The following ENOX2 variants were observed in gnomAD, a reference collection of about 807,000 sequenced individuals.
ENOX2 encodes the protein APK1 antigen.
Under a neutral mutation model 45.0 loss-of-function variants are expected in ENOX2, and 36 were observed. The observed-to-expected ratio is 0.80, with a 90% CI of 0.61 to 1.06. The LOEUF (loss-of-function observed/expected upper bound fraction) is 1.06, where lower values mean the gene tolerates loss of function less well. ENOX2 is among the 50% of genes least tolerant of loss of function. The pLI is 0.00. For synonymous variants in ENOX2, 174 were observed against 152.3 expected, an observed-to-expected ratio of 1.14 and a Z score of -1.05; for missense variants, 423 against 462.5, an observed-to-expected ratio of 0.91 and a Z score of 0.78.
chrX:130,753,088 T>C (rs1472513496), intron 3 of ENOX2, among the ~76,000 whole-genome samples: 1 of 111,571 alleles, frequency 9.0e-6, no homozygotes, highest in Non-Finnish European at 1.9e-5. Context: ...CTTTTCTCTT[T>C]CTGCCAATTT....
chrX:130,734,942 T>A, intron 3 of ENOX2, among the ~76,000 whole-genome samples: 1 of 112,410 alleles, frequency 8.9e-6, no homozygotes, highest in East Asian at 2.8e-4. Flanking sequence ...ATAGAGTTCC[T>A]TGGGGTTAGG....
chrX:130,668,091 G>C (rs969928569), intron 7 of ENOX2, among the ~76,000 whole-genome samples: 1 of 110,219 alleles, frequency 9.1e-6, no homozygotes, highest in African/African-American at 3.3e-5. Flanking sequence ...GAGAGAGAGA[G>C]AGAGAGAGAA....
At chrX:130,679,519 A>G (rs759898980) in intron 6 of ENOX2, 23 bp downstream of exon 6, 1 of 1,154,944 alleles carries the variant, frequency 8.7e-7, no homozygotes, top group Non-Finnish European at 1.2e-6. Context: ...TGGTGGGCAC[A>G]ATCCTCACAT....
Position 130,649,416 on chromosome X carries a change from A to G in ENOX2, c.1129+7165T>C, listed in dbSNP as rs749563472. Among the ~76,000 whole-genome samples, 19 of 110,949 alleles carry G rather than the reference A, an allele frequency of 1.7e-4. No homozygotes were observed. In the East Asian group the frequency reaches 3.1e-3, roughly 18 times the overall value. ...CTGGGTTTAATTCAACTCCTTGAAC[A>G]TGGGGGTTTTCCTAAAACTAGTATG... On this transcript the variant is annotated intron_variant, in intron 10 of 14. Transcript: ENST00000394363.
intron 4 of ENOX2, among the ~76,000 whole-genome samples, chrX:130,693,475 A>G (rs751507675): frequency 1.8e-5 from 2 of 112,167 alleles, no homozygotes; most frequent in Non-Finnish European, 3.8e-5. Context: ...TCAAGTTTAT[A>G]CAGCCAGTAA....
chrX:130,717,856 T>G (rs2038369503), intron 3 of ENOX2, among the ~76,000 whole-genome samples: 1 of 111,700 alleles, frequency 9.0e-6, no homozygotes, highest in Non-Finnish European at 1.9e-5. Flanking sequence ...CGCTTCCATC[T>G]CCCCTGAAAG....
At chrX:130,863,851 A>G (rs1233681262) in intron 2 of ENOX2, among the ~76,000 whole-genome samples, 1 of 111,897 alleles carries the variant, frequency 8.9e-6, no homozygotes, top group Middle Eastern at 4.2e-3. Context: ...AATATGCACT[A>G]AAACCCATAT....
chrX:130,868,401 T>C (rs747631651), intron 2 of ENOX2, among the ~76,000 whole-genome samples: 1 of 112,194 alleles, frequency 8.9e-6, no homozygotes, highest in African/African-American at 3.2e-5. Flanking sequence ...TACCCACAGT[T>C]GCTTTTGCTC....
At chrX:130,755,214 T>C (rs1019858669) in intron 3 of ENOX2, among the ~76,000 whole-genome samples, 1 of 111,920 alleles carries the variant, frequency 8.9e-6, no homozygotes, top group African/African-American at 3.2e-5. Flanking sequence ...ATTAAACCTC[T>C]CTGTGTCTCA....
rs1221632923 is a variant in ENOX2, at chrX:130,688,980, G to A, written c.136C>T (p.Pro46Ser). 5.0e-6 allele frequency: 6 copies of A among 1,204,672 alleles called. No individual in the cohort carries two copies. Among genetic ancestry groups the A allele is most frequent in the Non-Finnish European group, 6.7e-6 (6 of 891,288 alleles). Residue 46 changes from proline to serine, a missense_variant, in exon 5 of 15, where the codon CCA becomes TCA. Physicochemically the swap from Pro to Ser is moderately conservative, Grantham distance 74. This residue lies in a region of ENOX2 where 261 missense variants were observed against 306.8 expected (regional missense o/e 0.85). Transcript: ENST00000394363. ...AAACCAGGCATCATTGGAGTTATTG[G>A]TGGAATTCCAGTCATCATTCCAAGA... ...PALGMMTGIP[P>S]ITPMMPGLGI...
intron 3 of ENOX2, among the ~76,000 whole-genome samples, chrX:130,780,067 T>C (rs1384896081): frequency 9.0e-6 from 1 of 111,360 alleles, no homozygotes; most frequent in Non-Finnish European, 1.9e-5. Flanking sequence ...AAATGAATGG[T>C]ATGAGCACGG....
intron 2 of ENOX2, among the ~76,000 whole-genome samples, chrX:130,844,376 T>C (rs1333598840): frequency 9.0e-6 from 1 of 111,078 alleles, no homozygotes; most frequent in Non-Finnish European, 1.9e-5. Context: ...ATTTTGTGCA[T>C]GTATCGTGTT....
intron 3 of ENOX2, among the ~76,000 whole-genome samples, chrX:130,754,326 T>C (rs760951444): frequency 8.9e-6 from 1 of 112,118 alleles, no homozygotes; most frequent in Non-Finnish European, 1.9e-5. Context: ...AATGCATGGA[T>C]TGTACTGACT....
intron 3 of ENOX2, among the ~76,000 whole-genome samples, chrX:130,729,010 A>C: frequency 9.0e-6 from 1 of 111,653 alleles, no homozygotes; most frequent in East Asian, 2.8e-4. Flanking sequence ...AGGACTCATG[A>C]TCATTCAGAG....
At position 130,634,711 on chromosome X, in the gene ENOX2, T is replaced by C. The variant is rs981147490; in HGVS notation, c.1419+273A>G. Among the ~76,000 whole-genome samples, 9 of 111,537 alleles carry C rather than the reference T, an allele frequency of 8.1e-5. No individual in the cohort carries two copies. In the Middle Eastern group the frequency reaches 0.019, roughly 231 times the overall value. ...AGGGAAGAGGTGTGCACTCTGGTCG[T>C]CTCCAAGAGAGAAGACTGAGGAGTT... On this transcript the variant is annotated intron_variant, in intron 12 of 14. Coordinates refer to ENST00000394363, the MANE Select transcript of ENOX2 (RefSeq NM_006375.4).
chrX:130,747,188 C>T (rs1016854272), intron 3 of ENOX2, among the ~76,000 whole-genome samples: 7 of 110,932 alleles, frequency 6.3e-5, no homozygotes, highest in African/African-American at 2.3e-4. Flanking sequence ...TAAACAAGTA[C>T]TCTAAATGAA....
chrX:130,775,456 C>T (rs1340334478), intron 3 of ENOX2, among the ~76,000 whole-genome samples: 1 of 111,594 alleles, frequency 9.0e-6, no homozygotes, highest in African/African-American at 3.3e-5. Flanking sequence ...TTCTGGCTCT[C>T]AGGTCTAAAT....
chrX:130,796,308 C>T (rs988509937), intron 2 of ENOX2, among the ~76,000 whole-genome samples: 5 of 111,478 alleles, frequency 4.5e-5, no homozygotes, highest in Non-Finnish European at 9.4e-5. Context: ...TCTTAAGCCA[C>T]AGTCCTGAAA....
Position 130,859,645 on chromosome X carries a change from G to T in ENOX2, c.-183+42039C>A, listed in dbSNP as rs1445277203. Among the ~76,000 whole-genome samples, 3 of 112,007 alleles carry T rather than the reference G, an allele frequency of 2.7e-5. No homozygotes were observed. In the East Asian group the frequency reaches 8.5e-4, roughly 32 times the overall value. ...GCAGAGTGTGTATAAACTATAAATA[G>T]ATTAAGTGTTTTGAGCAAGGGAGTG... is the stretch of plus-strand genomic sequence containing the variant. On this transcript the variant is annotated intron_variant, in intron 2 of 14. Coordinates refer to ENST00000394363, the MANE Select transcript of ENOX2 (RefSeq NM_006375.4).
Sources: gnomAD v4.1 joint callset for allele counts (sites outside exome capture counted in the v4.1 genomes callset) on GRCh38, gnomAD v4.1.1 for gene constraint, gnomAD v4.1.1 regional missense constraint, MANE v1.5 for transcripts, NCBI Gene and HGNC (gene_info 2026-07-23, HGNC 2026-07-21) for gene names.